The following PPP3CA variants were observed in gnomAD, a reference collection of about 807,000 sequenced individuals.
The protein encoded by PPP3CA is CAM-PRP catalytic subunit.
In PPP3CA, 14 loss-of-function variants were observed where a neutral mutation model predicts 66.5. The ratio of observed to expected loss-of-function variants is 0.21; its 90% CI spans 0.14 to 0.33. The LOEUF (loss-of-function observed/expected upper bound fraction) is 0.33, where lower values mean the gene tolerates loss of function less well. Among genes scored for constraint, PPP3CA ranks in the 10% least tolerant of loss-of-function variants. The probability of loss-of-function intolerance (pLI) is 1.00; values close to 1 mark genes in which losing one functional copy is unlikely to be tolerated. For missense variants in PPP3CA, 317 were observed against 639.5 expected (o/e 0.50, Z 5.44); for synonymous variants, 232 against 226.2 (o/e 1.03, Z -0.23).
chr4:101,250,737 C>T (rs544063792), intron 1 of PPP3CA, among the ~76,000 whole-genome samples: 33 of 152,186 alleles, frequency 2.2e-4, no homozygotes, highest in Non-Finnish European at 4.6e-4. Context: ...TCATTAGCCT[C>T]AATTTTTTTC....
intron 11 of PPP3CA, among the ~76,000 whole-genome samples, chr4:101,037,450 T>C (rs1364027384): frequency 6.6e-6 from 1 of 152,182 alleles, no homozygotes; most frequent in African/African-American, 2.4e-5. Context: ...CCTGACAAAT[T>C]TGTACCACAT....
chr4:101,125,021 C>T (rs1722202423), intron 2 of PPP3CA, among the ~76,000 whole-genome samples: 1 of 152,092 alleles, frequency 6.6e-6, no homozygotes, highest in African/African-American at 2.4e-5. Flanking sequence ...TCAAATGAAG[C>T]AAAGAGTTTC....
chr4:101,201,994 G>C (rs1216445070), intron 1 of PPP3CA, among the ~76,000 whole-genome samples: 1 of 152,172 alleles, frequency 6.6e-6, no homozygotes, highest in Non-Finnish European at 1.5e-5. Flanking sequence ...GCTCTGAAGA[G>C]CTTACCAGGT....
chr4:101,332,297 G>A (rs79368177), intron 1 of PPP3CA, among the ~76,000 whole-genome samples: 300 of 152,314 alleles, frequency 2.0e-3, no homozygotes, highest in African/African-American at 7.0e-3. Flanking sequence ...TAAGTGTAAG[G>A]ACATGAGACT....
At chr4:101,059,939 A>G (rs1728388925) in intron 10 of PPP3CA, among the ~76,000 whole-genome samples, 1 of 152,124 alleles carries the variant, frequency 6.6e-6, no homozygotes, top group Non-Finnish European at 1.5e-5. Context: ...TGCTATGTAG[A>G]TAGTTGTTAA....
intron 1 of PPP3CA, among the ~76,000 whole-genome samples, chr4:101,296,341 G>A (rs1728198774): frequency 6.6e-6 from 1 of 152,068 alleles, no homozygotes; most frequent in Non-Finnish European, 1.5e-5. Context: ...CTAAATATAA[G>A]TATTTTGTAT....
rs956132894 is a variant in PPP3CA at position 101,315,809 on chromosome 4, C to T, written c.58+30930G>A. Reference sequence around the variant, plus strand: ...CAGGAACAGAATACAGTCATGGGTTCGTAGTTTTGGTTTCTGGTTGGGCCA... The same window carrying T: ...CAGGAACAGAATACAGTCATGGGTTTGTAGTTTTGGTTTCTGGTTGGGCCA... On this transcript the variant is annotated intron_variant, in intron 1 of 13. Coordinates refer to ENST00000394854, the MANE Select transcript of PPP3CA (RefSeq NM_000944.5). Among the ~76,000 whole-genome samples, 4 of 152,166 alleles carry T rather than the reference C, an allele frequency of 2.6e-5. No individual in the cohort carries two copies. The South Asian group carries it at 6.2e-4, about 24-fold the overall frequency.
In PPP3CA at chr4:101,218,680, C is replaced by T. The variant is rs115056999; in HGVS notation, c.59-22564G>A. The stretch of plus-strand genomic sequence containing the variant: ...ATAACGGAAAATATAGTTCATCCAA[C>T]ATCCCGATAAGATAGGAACTCAAAT... On this transcript the variant is annotated intron_variant, in intron 1 of 13. Coordinates refer to ENST00000394854, the MANE Select transcript of PPP3CA (RefSeq NM_000944.5). Among the ~76,000 whole-genome samples the T allele has an allele frequency of 1.4e-3, 207 of 152,030 alleles. 1 individual carries two copies. The highest frequency in any genetic ancestry group is 4.6e-3 in the African/African-American group (192 of 41,478).
At chr4:101,032,141 C>T in intron 12 of PPP3CA, 126 bp downstream of exon 12, 3 of 642,748 alleles carry the variant, frequency 4.7e-6, no homozygotes, top group Non-Finnish European at 7.3e-6. Context: ...GGTTTCAGCC[C>T]TTCTGCCAGC....
At chr4:101,112,360 C>T (rs1229061024) in intron 2 of PPP3CA, among the ~76,000 whole-genome samples, 1 of 152,098 alleles carries the variant, frequency 6.6e-6, no homozygotes, top group Non-Finnish European at 1.5e-5. Context: ...TACAATATCA[C>T]TGCAATAATT....
intron 1 of PPP3CA, among the ~76,000 whole-genome samples, chr4:101,264,089 A>G (rs915957476): frequency 1.3e-5 from 2 of 152,202 alleles, no homozygotes; most frequent in African/African-American, 2.4e-5. Context: ...CCAATATCGA[A>G]GTCTATGTCT....
At chr4:101,232,353 A>AT (rs1380745578) in intron 1 of PPP3CA, among the ~76,000 whole-genome samples, 1 of 151,620 alleles carries the variant, frequency 6.6e-6, no homozygotes, top group Non-Finnish European at 1.5e-5. Context: ...AGAGGCACAC[A>AT]TTTTTTTATA....
At chr4:101,114,371 A>T (rs558208012) in intron 2 of PPP3CA, among the ~76,000 whole-genome samples, 17 of 152,120 alleles carry the variant, frequency 1.1e-4, no homozygotes, top group Admixed American at 6.6e-5. Context: ...GATATGACAC[A>T]AATATTGATG....
rs765118167 is a variant in PPP3CA, at chr4:101,098,489, C to T, written c.520G>A (p.Val174Ile). Residue 174 changes from valine (V) to isoleucine (I), a missense_variant, in exon 5 of 14, where the codon GTA (valine) becomes ATA (isoleucine). Coordinates refer to ENST00000394854, the MANE Select transcript of PPP3CA (RefSeq NM_000944.5). Reference sequence around the variant, plus strand: ...AAGGCATCCATACAGGCATCATATACGCGTTCTGAATACTTTATTTTACCT... The same window carrying T: ...AAGGCATCCATACAGGCATCATATATGCGTTCTGAATACTTTATTTTACCT... ...QECKIKYSERVYDACMDAFDC... is the reference protein window; with the variant it reads ...QECKIKYSERIYDACMDAFDC... 40 of 1,608,648 alleles carry T rather than the reference C, an allele frequency of 2.5e-5. 1 individual carries two copies. The highest frequency in any genetic ancestry group is 1.6e-4 in the Middle Eastern group (1 of 6,070).
At chr4:101,244,034 C>T (rs1379854797) in intron 1 of PPP3CA, among the ~76,000 whole-genome samples, 1 of 152,168 alleles carries the variant, frequency 6.6e-6, no homozygotes, top group Non-Finnish European at 1.5e-5. Context: ...CAACTGGGAT[C>T]ATAGTCTCTA....
intron 10 of PPP3CA, among the ~76,000 whole-genome samples, chr4:101,050,231 T>C (rs1727950386): frequency 6.6e-6 from 1 of 152,096 alleles, no homozygotes; most frequent in Admixed American, 6.6e-5. Flanking sequence ...GTAGAGCAGC[T>C]GAGGCAAACA....
At chr4:101,169,292 T>A (rs533433705) in intron 2 of PPP3CA, among the ~76,000 whole-genome samples, 7 of 152,312 alleles carry the variant, frequency 4.6e-5, no homozygotes, top group Non-Finnish European at 7.4e-5. Flanking sequence ...ACCTTCTACA[T>A]GGATTTAGCA....
At chr4:101,324,685 TG>T (rs1179151565) in intron 1 of PPP3CA, among the ~76,000 whole-genome samples, 4 of 144,900 alleles carry the variant, frequency 2.8e-5, no homozygotes, top group African/African-American at 1.1e-4. Flanking sequence ...AAGGAAAGAA[TG>T]GAACAACAAA....
Position 101,029,211 on chromosome 4 carries a change from G to A in PPP3CA, c.1340-16C>T. ...TCAACAGTAGCTGAAGAGAAGAAAG[G>A]GGGTGCAAAATGAATGAGAAAAATG... On this transcript the variant is annotated splice_polypyrimidine_tract_variant and intron_variant, in intron 12 of 13. Transcript: ENST00000394854. 1.9e-6 allele frequency: 3 copies of A among 1,605,386 alleles called. No individual in the cohort carries two copies. Among genetic ancestry groups the A allele is most frequent in the African/African-American group, 2.7e-5 (2 of 74,710 alleles).
Sources: allele counts gnomAD v4.1 joint callset (sites outside exome capture counted in the v4.1 genomes callset), GRCh38; gene constraint gnomAD v4.1.1; transcripts MANE v1.5; gene names NCBI Gene and HGNC (gene_info 2026-07-23, HGNC 2026-07-21).